Variants in CBFA2T3 observed in about 807,000 individuals in gnomAD.
CBFA2T3 encodes the protein transcriptional corepressor CBFA2T3.
Under a neutral mutation model 58.6 loss-of-function variants are expected in CBFA2T3, and 31 were observed. The ratio of observed to expected loss-of-function variants is 0.53; its 90% CI spans 0.40 to 0.71. The LOEUF is 0.71. CBFA2T3 is among the 30% of genes least tolerant of loss of function. The pLI, the probability that CBFA2T3 is intolerant of heterozygous loss-of-function variation, is 0.00. For synonymous variants in CBFA2T3, 531 were observed against 421.9 expected, an observed-to-expected ratio of 1.26 and a Z score of -3.17; for missense variants, 1,076 against 963.1, an observed-to-expected ratio of 1.12 and a Z score of -1.55.
At chr16:88,887,550 G>A (rs1567580798) in intron 5 of CBFA2T3, among the ~76,000 whole-genome samples, 1 of 152,170 alleles carries the variant, frequency 6.6e-6, no homozygotes, top group Non-Finnish European at 1.5e-5. Flanking sequence ...GCAGGCTCAG[G>A]AAAGGGTGCA....
At chr16:88,883,549 A>G (rs1375331244) in intron 7 of CBFA2T3, 1 of 152,356 alleles carries the variant, frequency 6.6e-6, no homozygotes, top group Non-Finnish European at 1.5e-5. Context: ...CCACTCCCAC[A>G]GGTCACCAGA....
chr16:88,891,906 C>T lies in CBFA2T3; in HGVS notation c.687G>A (p.Arg229=), dbSNP rs1438467303. The part of the protein sequence containing the change: ...KLQEATNFPL[R]PFVIPFLKAN... ...CCTTCAGGAAGGGAATGACAAACGG[C>T]CGCAGAGGGAAGTTGGTGGCCTCCT... is the stretch of plus-strand genomic sequence containing the variant. The change falls in exon 5 of 12, where the codon CGG becomes CGA. Residue 229 remains arginine (R), a synonymous_variant. Coordinates refer to ENST00000268679, the MANE Select transcript of CBFA2T3 (RefSeq NM_005187.6). 2 of 1,613,020 alleles carry T rather than the reference C, an allele frequency of 1.2e-6. No homozygotes were observed. Among genetic ancestry groups the T allele is most frequent in the South Asian group, 2.2e-5 (2 of 91,038 alleles).
intron 1 of CBFA2T3, among the ~76,000 whole-genome samples, chr16:88,921,864 C>T (rs916120742): frequency 2.0e-5 from 3 of 152,358 alleles, no homozygotes; most frequent in African/African-American, 4.8e-5. Flanking sequence ...GTTTCTCGTT[C>T]GCTTGCTTCA....
intron 1 of CBFA2T3, among the ~76,000 whole-genome samples, chr16:88,930,578 G>A (rs577692868): frequency 6.6e-6 from 1 of 151,674 alleles, no homozygotes; most frequent in Non-Finnish European, 1.5e-5. Context: ...GACAAAGCCA[G>A]ACACAAGGGC....
rs62045797 is a variant in CBFA2T3, at chr16:88,927,144, C to T, written c.152-25488G>A. Among the ~76,000 whole-genome samples the T allele has an allele frequency of 1.9e-3, 290 of 152,326 alleles. 1 individual carries two copies. Among genetic ancestry groups the T allele is most frequent in the Admixed American group, 3.5e-3 (53 of 15,310 alleles). On this transcript the variant is annotated intron_variant, in intron 1 of 11. Coordinates refer to ENST00000268679, the MANE Select transcript of CBFA2T3 (RefSeq NM_005187.6). ...TGCCAGACGGAGCAGCAGCCCCGGGCGTACAGCAGGCACCAATCACTATTT... is the reference window on the plus strand; with the variant it reads ...TGCCAGACGGAGCAGCAGCCCCGGGTGTACAGCAGGCACCAATCACTATTT...
intron 3 of CBFA2T3, among the ~76,000 whole-genome samples, chr16:88,896,930 C>T (rs566857056): frequency 1.3e-4 from 20 of 152,374 alleles, no homozygotes; most frequent in Admixed American, 9.8e-4. Context: ...GCTAAAGAGA[C>T]GCCAAAAATA....
At chr16:88,909,238 GA>G (rs1214689788) in intron 1 of CBFA2T3, among the ~76,000 whole-genome samples, 2 of 152,226 alleles carry the variant, frequency 1.3e-5, no homozygotes, top group Non-Finnish European at 2.9e-5. Flanking sequence ...AGATGCTCAG[GA>G]CAGGTCCAGG....
intron 1 of CBFA2T3, among the ~76,000 whole-genome samples, chr16:88,917,786 C>G (rs144606233): frequency 1.3e-5 from 2 of 152,148 alleles, no homozygotes; most frequent in African/African-American, 4.8e-5. Context: ...ATGTGATGTG[C>G]GCACGTATGA....
chr16:88,883,249 A>G (rs2142544398), intron 7 of CBFA2T3: 1 of 174,284 alleles, frequency 5.7e-6, no homozygotes, highest in Non-Finnish European at 1.2e-5. Context: ...GGGTAACCTC[A>G]CTGGGAGGAG....
In CBFA2T3 at chr16:88,876,436, CT is replaced by C; in HGVS notation, c.*539del. 1 of 231,010 alleles carries C rather than the reference CT, an allele frequency of 4.3e-6. No homozygotes were observed. The highest frequency in any genetic ancestry group is 6.1e-5 in the East Asian group (1 of 16,284). The allele number at this position is 231,010 out of a possible 1,614,324, so 14.3% of individuals were successfully genotyped here. On this transcript the variant is annotated 3_prime_UTR_variant, in exon 12 of 12. Transcript: ENST00000268679. ...TATAAAATCGCAGTTTTCTTTCTCC[CT>C]TTTTAATCAGGAGGGGGAGAACCCC... is the stretch of plus-strand genomic sequence containing the variant.
rs1418450902 is a variant in CBFA2T3, at chr16:88,876,726, G to A, written c.*250C>T. 2 of 445,944 alleles carry A rather than the reference G, an allele frequency of 4.5e-6. No individual in the cohort carries two copies. Among genetic ancestry groups the A allele is most frequent in the Non-Finnish European group, 7.8e-6 (2 of 255,312 alleles). 27.6% of individuals were successfully genotyped at this position (445,944 alleles called of 1,614,324 possible). Reference sequence around the variant, plus strand: ...GGCTTCTGAGGATGCTTGAAGAGACGTTGTCAGGAGGTCTCCGCGCGGAAT... The same window carrying A: ...GGCTTCTGAGGATGCTTGAAGAGACATTGTCAGGAGGTCTCCGCGCGGAAT... On this transcript the variant is annotated 3_prime_UTR_variant, in exon 12 of 12. Transcript: ENST00000268679.
At chr16:88,971,755 C>T (rs1017235173) in intron 1 of CBFA2T3, among the ~76,000 whole-genome samples, 1 of 152,252 alleles carries the variant, frequency 6.6e-6, no homozygotes, top group African/African-American at 2.4e-5. Flanking sequence ...CCAGCTGCCC[C>T]TGGCCGACGT....
At chr16:88,971,213 G>A (rs1972648148) in intron 1 of CBFA2T3, among the ~76,000 whole-genome samples, 2 of 152,090 alleles carry the variant, frequency 1.3e-5, no homozygotes, top group Non-Finnish European at 2.9e-5. Context: ...GGGTTCACAC[G>A]ATTCTCCCGC....
chr16:88,934,613 G>C (rs117084991), intron 1 of CBFA2T3, among the ~76,000 whole-genome samples: 137 of 152,388 alleles, frequency 9.0e-4, no homozygotes, highest in Admixed American at 1.6e-3. Context: ...GAGGAGCGGA[G>C]AGGAGTCTGG....
chr16:88,932,119 T>C (rs1028898316), intron 1 of CBFA2T3, among the ~76,000 whole-genome samples: 1 of 151,920 alleles, frequency 6.6e-6, no homozygotes, highest in African/African-American at 2.4e-5. Context: ...GCAGTGACCT[T>C]GGGGCTGCTG....
chr16:88,962,157 G>C (rs1019678590), intron 1 of CBFA2T3, among the ~76,000 whole-genome samples: 3 of 151,864 alleles, frequency 2.0e-5, no homozygotes, highest in African/African-American at 7.3e-5. Flanking sequence ...CCATTCCATA[G>C]TAACCGACAC....
At chr16:88,961,206 G>A (rs979920065) in intron 1 of CBFA2T3, among the ~76,000 whole-genome samples, 25 of 152,156 alleles carry the variant, frequency 1.6e-4, no homozygotes, top group African/African-American at 6.0e-4. Context: ...TGTGGATGCC[G>A]CCAGAGCCCG....
At chr16:88,951,624 C>G (rs1972075653) in intron 1 of CBFA2T3, 1 of 361,374 alleles carries the variant, frequency 2.8e-6, no homozygotes. Context: ...GACCTGCTGC[C>G]ACGGCCCCAG....
At chr16:88,880,537 G>C (rs1372125477) in intron 10 of CBFA2T3, among the ~76,000 whole-genome samples, 183 bp downstream of exon 10, 1 of 152,226 alleles carries the variant, frequency 6.6e-6, no homozygotes, top group East Asian at 1.9e-4. Context: ...GGTAGCAGCT[G>C]TCCTGCCCTA....
Sources: allele counts gnomAD v4.1 joint callset (sites outside exome capture counted in the v4.1 genomes callset), GRCh38; gene constraint gnomAD v4.1.1; transcripts MANE v1.5; gene names NCBI Gene and HGNC (gene_info 2026-07-23, HGNC 2026-07-21).